Variants in STIM1 observed in about 807,000 individuals in gnomAD.
STIM1 encodes the protein stromal interaction molecule 1.
A neutral mutation model predicts 74.7 loss-of-function variants in STIM1; 25 were observed. The ratio of observed to expected loss-of-function variants is 0.33; its 90% CI spans 0.24 to 0.47. The LOEUF is 0.47. STIM1 is among the 20% of genes least tolerant of loss of function. STIM1 has a pLI of 1.00. For missense variants in STIM1, 728 were observed against 920.8 expected (o/e 0.79, Z 2.71); for synonymous variants, 328 against 348.8 (o/e 0.94, Z 0.66).
chr11:4,032,388 C>T (rs566580006), intron 3 of STIM1, among the ~76,000 whole-genome samples: 67 of 152,306 alleles, frequency 4.4e-4, no homozygotes, highest in South Asian at 1.9e-3. Context: ...TATTATGATA[C>T]GCTGATCTAT....
rs187014585 is a variant in STIM1 at position 3,992,582 on chromosome 11, G to T, written c.270+24900G>T. On this transcript the variant is annotated intron_variant, in intron 2 of 12. Transcript: ENST00000526596. The stretch of plus-strand genomic sequence containing the variant: ...CTGTGGGTTGCTTTTTCACTTTCTT[G>T]GTTGTATCCTTTGAAGCACAGAAGT... 4.3e-3 allele frequency among the ~76,000 whole-genome samples: 652 copies of T among 152,054 alleles called. 2 individuals are homozygous for T. The highest frequency in any genetic ancestry group is 0.015 in the African/African-American group (622 of 41,476).
At chr11:3,871,130 G>A (rs758557102) in intron 1 of STIM1, among the ~76,000 whole-genome samples, 3 of 151,992 alleles carry the variant, frequency 2.0e-5, no homozygotes, top group Non-Finnish European at 4.4e-5. Context: ...GCCTCCCAAA[G>A]TGTTGGGATT....
intron 1 of STIM1, among the ~76,000 whole-genome samples, chr11:3,933,117 G>A (rs1034162871): frequency 2.6e-5 from 4 of 152,188 alleles, no homozygotes; most frequent in Non-Finnish European, 5.9e-5. Context: ...TATTTTAGCT[G>A]TGTTTTTCTG....
intron 1 of STIM1, among the ~76,000 whole-genome samples, chr11:3,924,198 C>A (rs1043235982): frequency 2.0e-4 from 28 of 137,200 alleles, no homozygotes; most frequent in African/African-American, 7.3e-4. Context: ...CTTTTTTTTT[C>A]TTTTCTTTTT....
At chr11:3,972,909 T>A in intron 2 of STIM1, 1 of 499,766 alleles carries the variant, frequency 2.0e-6, no homozygotes, top group South Asian at 1.5e-5. Flanking sequence ...AGTTTCCTCC[T>A]TTCGTGCATC....
Position 4,009,610 on chromosome 11 carries a change from AAAT to A in STIM1, c.271-14239_271-14237del, listed in dbSNP as rs138315167. 3.3e-3 allele frequency among the ~76,000 whole-genome samples: 500 copies of A among 150,238 alleles called. 2 individuals are homozygous for A. The highest frequency in any genetic ancestry group is 0.011 in the African/African-American group (445 of 41,164). ...GCAGACAGAGTGAGACTCCATCTCA[AAAT>A]AATAATAATAATAATAATAATAAAT... On this transcript the variant is annotated intron_variant, in intron 2 of 12. Coordinates refer to ENST00000526596, the MANE Select transcript of STIM1 (RefSeq NM_001382567.1).
intron 1 of STIM1, among the ~76,000 whole-genome samples, chr11:3,905,035 T>C (rs576673006): frequency 5.9e-5 from 9 of 152,122 alleles, no homozygotes; most frequent in Admixed American, 2.0e-4. Flanking sequence ...ACAGAAAAGT[T>C]AGGGAGGGAG....
intron 6 of STIM1, among the ~76,000 whole-genome samples, chr11:4,071,979 C>T (rs1426894886): frequency 6.6e-6 from 1 of 152,172 alleles, no homozygotes; most frequent in Non-Finnish European, 1.5e-5. Flanking sequence ...TTTGCTGGGC[C>T]CCTTGTTCTT....
At chr11:4,007,465 A>G (rs1156880519) in intron 2 of STIM1, among the ~76,000 whole-genome samples, 1 of 152,206 alleles carries the variant, frequency 6.6e-6, no homozygotes, top group Admixed American at 6.5e-5. Context: ...TTGAACATCA[A>G]AGTTACAGCT....
At chr11:3,939,168 C>T (rs1294427220) in intron 1 of STIM1, among the ~76,000 whole-genome samples, 1 of 152,130 alleles carries the variant, frequency 6.6e-6, no homozygotes, top group Non-Finnish European at 1.5e-5. Flanking sequence ...TAAAATGCTG[C>T]TTGATCTCTG....
chr11:3,866,880 T>TTTA (rs1395128375), intron 1 of STIM1, among the ~76,000 whole-genome samples: 51 of 152,264 alleles, frequency 3.3e-4, no homozygotes, highest in African/African-American at 9.6e-4. Flanking sequence ...CTGTGCTTTA[T>TTTA]TTATTATTAT....
At chr11:4,010,920 T>C (rs2093829806) in intron 2 of STIM1, among the ~76,000 whole-genome samples, 1 of 152,046 alleles carries the variant, frequency 6.6e-6, no homozygotes, top group Non-Finnish European at 1.5e-5. Context: ...TCCCTCTGTC[T>C]GTATGTTCTC....
At chr11:4,084,902 A>G (rs2094484421) in intron 11 of STIM1, 137 bp downstream of exon 11, 1 of 621,180 alleles carries the variant, frequency 1.6e-6, no homozygotes, top group African/African-American at 1.9e-5. Flanking sequence ...TGTCCCTACT[A>G]ACTACAGGGA....
intron 2 of STIM1, among the ~76,000 whole-genome samples, chr11:3,968,876 T>G (rs2093365156): frequency 6.6e-6 from 1 of 152,212 alleles, no homozygotes. Flanking sequence ...ATAGTTACTC[T>G]TTTAACTTCA....
intron 8 of STIM1, 152 bp downstream of exon 8, chr11:4,082,503 C>T (rs1332963282): frequency 2.4e-6 from 2 of 847,416 alleles, no homozygotes; most frequent in African/African-American, 1.7e-5. Flanking sequence ...ATGTTCAGCT[C>T]CTGACAGTGT....
At chr11:3,979,286 C>T (rs1449912161) in intron 2 of STIM1, among the ~76,000 whole-genome samples, 2 of 152,230 alleles carry the variant, frequency 1.3e-5, no homozygotes, top group African/African-American at 2.4e-5. Flanking sequence ...TAGTTTCTCC[C>T]GGAAAGCCCA....
intron 1 of STIM1, among the ~76,000 whole-genome samples, chr11:3,960,900 ATAT>A (rs1333404872): frequency 6.6e-6 from 1 of 152,224 alleles, no homozygotes; most frequent in Non-Finnish European, 1.5e-5. Flanking sequence ...TTCCATAAAA[ATAT>A]TATTTACATT....
chr11:3,910,703 C>T (rs935133069), intron 1 of STIM1, among the ~76,000 whole-genome samples: 6 of 151,888 alleles, frequency 4.0e-5, no homozygotes, highest in South Asian at 2.1e-4. Flanking sequence ...AAAAACAGGC[C>T]GGGCGAGGTG....
chr11:3,980,206 A>C (rs890914725), intron 2 of STIM1, among the ~76,000 whole-genome samples: 1 of 152,198 alleles, frequency 6.6e-6, no homozygotes, highest in Non-Finnish European at 1.5e-5. Context: ...AGTTTTGTTT[A>C]ATCCTTAACC....
Sources: allele counts gnomAD v4.1 joint callset (sites outside exome capture counted in the v4.1 genomes callset), GRCh38; gene constraint gnomAD v4.1.1; transcripts MANE v1.5; gene names NCBI Gene and HGNC (gene_info 2026-07-23, HGNC 2026-07-21).